AMBRA1: variants seen among roughly 807,000 people sequenced by gnomAD.
The protein encoded by AMBRA1 is activating molecule in BECN1-regulated autophagy protein 1.
Under a neutral mutation model 125.4 loss-of-function variants are expected in AMBRA1, and 47 were observed. The observed-to-expected ratio is 0.37, with a 90% CI of 0.30 to 0.48. The LOEUF (loss-of-function observed/expected upper bound fraction) is 0.48. Among genes scored for constraint, AMBRA1 ranks in the 20% least tolerant of loss-of-function variants. The pLI is 0.99. For missense variants in AMBRA1, 1,331 were observed against 1,693.4 expected (o/e 0.79, Z 3.76); for synonymous variants, 626 against 655.5 (o/e 0.95, Z 0.69).
intron 15 of AMBRA1, among the ~76,000 whole-genome samples, chr11:46,414,752 G>A (rs1246540145): frequency 6.6e-6 from 1 of 152,192 alleles, no homozygotes; most frequent in African/African-American, 2.4e-5. Flanking sequence ...GGAAGGGCGG[G>A]ATGACTGCGC....
In AMBRA1 at chr11:46,541,937, C is replaced by T; in HGVS notation, c.2072+8G>A. The T allele has an allele frequency of 1.2e-6, 2 of 1,600,008 alleles. No individual in the cohort carries two copies. Among genetic ancestry groups the T allele is most frequent in the Non-Finnish European group, 1.7e-6 (2 of 1,176,666 alleles). On this transcript the variant is annotated splice_region_variant and intron_variant, in intron 7 of 17. Coordinates refer to ENST00000683756, the MANE Select transcript of AMBRA1 (RefSeq NM_001387011.1). The stretch of plus-strand genomic sequence containing the variant: ...AGGGATGCAGAAGATAGGAAAGCGA[C>T]TGCTTACCTCCTGAGTGAATCCTCC...
At chr11:46,406,939 G>A (rs1436551269) in intron 17 of AMBRA1, among the ~76,000 whole-genome samples, 2 of 151,942 alleles carry the variant, frequency 1.3e-5, no homozygotes, top group Non-Finnish European at 2.9e-5. Flanking sequence ...CCAGCACTTT[G>A]GGAGTCCGAG....
At chr11:46,558,288 C>A (rs571760700) in intron 1 of AMBRA1, among the ~76,000 whole-genome samples, 1 of 152,176 alleles carries the variant, frequency 6.6e-6, no homozygotes, top group Admixed American at 6.5e-5. Context: ...CAGTCGCTCA[C>A]ACCTGTAATC....
At chr11:46,522,653 T>C (rs769550565) in intron 7 of AMBRA1, among the ~76,000 whole-genome samples, 2 of 152,252 alleles carry the variant, frequency 1.3e-5, no homozygotes, top group African/African-American at 2.4e-5. Context: ...CTGGAATTTA[T>C]TGAATTCCAT....
chr11:46,547,692 G>T, intron 3 of AMBRA1, 125 bp downstream of exon 3: 1 of 900,918 alleles, frequency 1.1e-6, no homozygotes. Context: ...CCGACACGGG[G>T]CCAAAGTGCT....
intron 1 of AMBRA1, among the ~76,000 whole-genome samples, chr11:46,574,835 C>T (rs1230116176): frequency 6.6e-6 from 1 of 152,158 alleles, no homozygotes; most frequent in African/African-American, 2.4e-5. Context: ...TGACAAAAAA[C>T]AATGTTTCAC....
At chr11:46,488,312 CA>C (rs1250464645) in intron 11 of AMBRA1, among the ~76,000 whole-genome samples, 2 of 151,954 alleles carry the variant, frequency 1.3e-5, no homozygotes, top group Non-Finnish European at 2.9e-5. Context: ...AAAAATTAGC[CA>C]GGCCTGGGGG....
Position 46,517,326 on chromosome 11 carries a change from T to C in AMBRA1, c.2073-4513A>G, listed in dbSNP as rs536054396. Among the ~76,000 whole-genome samples the C allele has an allele frequency of 1.0e-3, 156 of 151,382 alleles. 2 individuals carry two copies. Among genetic ancestry groups the C allele is most frequent in the African/African-American group, 3.7e-3 (151 of 41,332 alleles). ...CCACACCCAGCTGATTTTTGTATTT[T>C]TAGTAAAAACAGGGTTGCACCATGT... On this transcript the variant is annotated intron_variant, in intron 7 of 17. Transcript: ENST00000683756.
At chr11:46,559,633 T>C (rs1456748947) in intron 1 of AMBRA1, among the ~76,000 whole-genome samples, 1 of 152,190 alleles carries the variant, frequency 6.6e-6, no homozygotes, top group East Asian at 1.9e-4. Context: ...AAAACCTTCA[T>C]CCTAATTTAC....
At chr11:46,421,283 C>T (rs1449082161) in intron 14 of AMBRA1, among the ~76,000 whole-genome samples, 1 of 152,204 alleles carries the variant, frequency 6.6e-6, no homozygotes, top group Non-Finnish European at 1.5e-5. Context: ...CCAGCTATGG[C>T]ACTCCCTCAT....
intron 9 of AMBRA1, chr11:46,495,657 A>G (rs1950603930): frequency 6.6e-6 from 1 of 152,246 alleles, no homozygotes; most frequent in Non-Finnish European, 1.5e-5. Context: ...TGACCAGCAG[A>G]CTGCAGTTAC....
At chr11:46,532,073 C>T (rs1448590611) in intron 7 of AMBRA1, among the ~76,000 whole-genome samples, 4 of 150,152 alleles carry the variant, frequency 2.7e-5, no homozygotes, top group Non-Finnish European at 4.4e-5. Context: ...GAGCTGAGAT[C>T]GGGCCACTGC....
intron 12 of AMBRA1, among the ~76,000 whole-genome samples, chr11:46,439,723 TTATAAGTTAATTTTCTGA>T (rs1947910624): frequency 6.6e-6 from 1 of 152,178 alleles, no homozygotes; most frequent in African/African-American, 2.4e-5. Context: ...GAAGCTCCTA[TTATAAGTTAATTTTCTGA>T]TTTATAAAGA....
At chr11:46,570,892 A>G (rs1251285934) in intron 1 of AMBRA1, among the ~76,000 whole-genome samples, 1 of 152,028 alleles carries the variant, frequency 6.6e-6, no homozygotes, top group Non-Finnish European at 1.5e-5. Flanking sequence ...GCCCTACTCC[A>G]AGAAAGGGAT....
chr11:46,558,918 C>T (rs2043242617), intron 1 of AMBRA1, among the ~76,000 whole-genome samples: 1 of 152,136 alleles, frequency 6.6e-6, no homozygotes, highest in South Asian at 2.1e-4. Flanking sequence ...CCAAAACTAT[C>T]ATAAACAGCA....
chr11:46,501,996 G>C (rs575722218), intron 9 of AMBRA1, among the ~76,000 whole-genome samples: 14 of 152,194 alleles, frequency 9.2e-5, no homozygotes, highest in East Asian at 5.8e-4. Flanking sequence ...TCTTTTCTAA[G>C]CCATTTTGTA....
At chr11:46,527,883 T>C (rs1952048134) in intron 7 of AMBRA1, among the ~76,000 whole-genome samples, 1 of 152,130 alleles carries the variant, frequency 6.6e-6, no homozygotes, top group African/African-American at 2.4e-5. Flanking sequence ...TCAGCTGCTA[T>C]GGAAAACAGT....
intron 14 of AMBRA1, among the ~76,000 whole-genome samples, chr11:46,431,203 A>G (rs1947441915): frequency 6.6e-6 from 1 of 152,220 alleles, no homozygotes; most frequent in Non-Finnish European, 1.5e-5. Flanking sequence ...TGACAGGAAC[A>G]CTTCCCAAAT....
intron 7 of AMBRA1, among the ~76,000 whole-genome samples, chr11:46,521,853 A>T (rs1319624639): frequency 6.6e-6 from 1 of 152,252 alleles, no homozygotes; most frequent in African/African-American, 2.4e-5. Flanking sequence ...TAGTAACCTC[A>T]GGAAAAAAAT....
Sources: allele counts gnomAD v4.1 joint callset (sites outside exome capture counted in the v4.1 genomes callset), GRCh38; gene constraint gnomAD v4.1.1; transcripts MANE v1.5; gene names NCBI Gene and HGNC (gene_info 2026-07-23, HGNC 2026-07-21).